Variants in HECW1 observed in about 807,000 individuals in gnomAD.
HECW1 encodes the protein E3 ubiquitin-protein ligase HECW1.
HECW1 carries 61 observed loss-of-function variants against 182.3 expected under a neutral mutation model. The observed-to-expected ratio is 0.33, with a 90% CI of 0.27 to 0.41. The LOEUF is 0.41. HECW1 is among the 10% of genes least tolerant of loss of function. The pLI is 1.00. For missense variants in HECW1, 1,739 were observed against 2,108.9 expected (o/e 0.82, Z 3.44); for synonymous variants, 859 against 832.6 (o/e 1.03, Z -0.55).
At chr7:43,489,986 T>A (rs1265536791) in intron 17 of HECW1, among the ~76,000 whole-genome samples, 1 of 152,082 alleles carries the variant, frequency 6.6e-6, no homozygotes, top group African/African-American at 2.4e-5. Context: ...ATGTCTTTCC[T>A]TTTTTTTAAA....
rs901896347 is a variant in HECW1, at chr7:43,191,158, G to A, written c.-31-52717G>A. Among the ~76,000 whole-genome samples, 2 of 152,192 alleles carry A rather than the reference G, an allele frequency of 1.3e-5. 1 individual carries two copies. Among genetic ancestry groups the A allele is most frequent in the Non-Finnish European group, 2.9e-5 (2 of 68,048 alleles). Reference sequence around the variant, plus strand: ...TGGGTTATATATATATATGCAAGAGGAAGGCACACACTACCTAAATCCTGG... The same window carrying A: ...TGGGTTATATATATATATGCAAGAGAAAGGCACACACTACCTAAATCCTGG... On this transcript the variant is annotated intron_variant, in intron 2 of 29. Transcript: ENST00000395891.
intron 24 of HECW1, among the ~76,000 whole-genome samples, chr7:43,523,418 AAGAG>A (rs553731327): frequency 8.5e-4 from 129 of 152,308 alleles, no homozygotes; most frequent in African/African-American, 3.0e-3. Context: ...ACAATGTCAG[AAGAG>A]AGAGAAATCT....
intron 2 of HECW1, among the ~76,000 whole-genome samples, chr7:43,163,580 G>A (rs1234014037): frequency 2.0e-5 from 3 of 152,136 alleles, no homozygotes; most frequent in Non-Finnish European, 4.4e-5. Context: ...CTTGCTACAA[G>A]TCACCCTCAT....
chr7:43,232,580 T>G (rs545261261), intron 2 of HECW1, among the ~76,000 whole-genome samples: 1 of 152,346 alleles, frequency 6.6e-6, no homozygotes, highest in East Asian at 1.9e-4. Context: ...TTCTGAAGTG[T>G]AGGCTGAAGG....
chr7:43,264,823 G>T (rs1167370275), intron 3 of HECW1, among the ~76,000 whole-genome samples: 3 of 141,072 alleles, frequency 2.1e-5, no homozygotes, highest in Non-Finnish European at 3.0e-5. Flanking sequence ...CAGCCCGGGC[G>T]ACAGAGTGAG....
chr7:43,415,397 C>A (rs1306735070), intron 8 of HECW1, among the ~76,000 whole-genome samples: 1 of 146,342 alleles, frequency 6.8e-6, no homozygotes, highest in Admixed American at 6.8e-5. Context: ...CCGAGAGATC[C>A]GCTGTTAGTC....
chr7:43,233,228 T>C (rs1048358930), intron 2 of HECW1, among the ~76,000 whole-genome samples: 2 of 152,228 alleles, frequency 1.3e-5, no homozygotes, highest in Non-Finnish European at 2.9e-5. Flanking sequence ...AATTTGGATA[T>C]TATAATTTTT....
chr7:43,500,719 G>A lies in HECW1; in HGVS notation c.3458G>A (p.Arg1153Gln), dbSNP rs201521619. 46 of 1,613,490 alleles carry A rather than the reference G, an allele frequency of 2.9e-5. No homozygotes were observed. The highest frequency in any genetic ancestry group is 6.7e-5 in the East Asian group (3 of 44,898). ...TTCAGGGAGAAAATCCATTACATTC[G>A]GACTGAGGGTAATCACGGGCTTGAG... ...HTLREKIHYIRTEGNHGLEKL... is the reference protein window; with the variant it reads ...HTLREKIHYIQTEGNHGLEKL... The change falls in exon 20 of 30, where the codon CGG becomes CAG. Residue 1153 changes from arginine (R) to glutamine (Q), a missense_variant. Transcript: ENST00000395891.
At chr7:43,291,660 T>G (rs555188530) in intron 3 of HECW1, among the ~76,000 whole-genome samples, 1 of 152,362 alleles carries the variant, frequency 6.6e-6, no homozygotes, top group African/African-American at 2.4e-5. Flanking sequence ...AAGGAAACTT[T>G]GAAGAGGAAA....
rs369250931 is a variant in HECW1 at position 43,349,184 on chromosome 7, G to A, written c.461-11702G>A. ...CGAGTAGTTGGGATTACAGGCATGC[G>A]CCACCACGCCCGGCTAATTTTGTAT... On this transcript the variant is annotated intron_variant, in intron 5 of 29. Coordinates refer to ENST00000395891, the MANE Select transcript of HECW1 (RefSeq NM_015052.5). Among the ~76,000 whole-genome samples the A allele has an allele frequency of 2.0e-3, 306 of 152,182 alleles. 1 individual carries two copies. The highest frequency in any genetic ancestry group is 6.9e-3 in the African/African-American group (286 of 41,496).
At position 43,488,410 on chromosome 7, in the gene HECW1, AAG is replaced by A. The variant is rs3037087; in HGVS notation, c.3235-3653_3235-3652del. ...AGGAAGGAAGGAAGGAAATGAAAGA[AAG>A]AGAGAGAGAGAAAGAAAGAAAGAGA... On this transcript the variant is annotated intron_variant, in intron 17 of 29. Transcript: ENST00000395891. 9.1e-3 allele frequency among the ~76,000 whole-genome samples: 1,144 copies of A among 125,310 alleles called. 59 individuals are homozygous for A. The highest frequency in any genetic ancestry group is 0.032 in the African/African-American group (1,056 of 32,678). 82.2% of individuals were successfully genotyped at this position (125,310 alleles called of 152,430 possible).
chr7:43,127,523 CAAAAA>C (rs71562078), intron 2 of HECW1, among the ~76,000 whole-genome samples: 2 of 57,284 alleles, frequency 3.5e-5, no homozygotes, highest in Non-Finnish European at 6.3e-5. Flanking sequence ...AACTCCATCT[CAAAAA>C]AAAAAAAAAA....
intron 28 of HECW1, among the ~76,000 whole-genome samples, chr7:43,553,472 G>T (rs1348756925): frequency 6.6e-6 from 1 of 152,052 alleles, no homozygotes; most frequent in African/African-American, 2.4e-5. Flanking sequence ...GAACTCATAA[G>T]TTCGAGACCA....
intron 8 of HECW1, among the ~76,000 whole-genome samples, chr7:43,411,075 A>T (rs1414000596): frequency 6.6e-6 from 1 of 150,754 alleles, no homozygotes; most frequent in African/African-American, 2.4e-5. Context: ...TTAGGGTAAA[A>T]GTCTAGGTCT....
intron 2 of HECW1, among the ~76,000 whole-genome samples, chr7:43,160,262 C>T (rs1035697355): frequency 3.3e-5 from 5 of 151,832 alleles, no homozygotes; most frequent in African/African-American, 4.8e-5. Flanking sequence ...TCAATATTTC[C>T]CCCCAATTTG....
At chr7:43,498,946 A>G (rs1208163697) in intron 19 of HECW1, among the ~76,000 whole-genome samples, 1 of 152,180 alleles carries the variant, frequency 6.6e-6, no homozygotes, top group African/African-American at 2.4e-5. Context: ...GAGAGGAAAA[A>G]GTTGTACCTG....
At chr7:43,347,972 G>A (rs1813898899) in intron 5 of HECW1, among the ~76,000 whole-genome samples, 1 of 152,128 alleles carries the variant, frequency 6.6e-6, no homozygotes, top group South Asian at 2.1e-4. Context: ...ACATCGGTAT[G>A]TAGTTTTCTT....
At chr7:43,250,648 A>G (rs187947665) in intron 3 of HECW1, among the ~76,000 whole-genome samples, 9 of 151,970 alleles carry the variant, frequency 5.9e-5, no homozygotes, top group Admixed American at 4.6e-4. Context: ...CAATCTAAAA[A>G]CCCATGCTGT....
At chr7:43,192,519 A>G (rs1274264653) in intron 2 of HECW1, among the ~76,000 whole-genome samples, 1 of 151,736 alleles carries the variant, frequency 6.6e-6, no homozygotes, top group Non-Finnish European at 1.5e-5. Flanking sequence ...ATACGTAAAG[A>G]TAAACTTCAT....
Sources: gnomAD v4.1 joint callset for allele counts (sites outside exome capture counted in the v4.1 genomes callset) on GRCh38, gnomAD v4.1.1 for gene constraint, MANE v1.5 for transcripts, NCBI Gene and HGNC (gene_info 2026-07-23, HGNC 2026-07-21) for gene names.